The following THSD7B variants were observed in gnomAD, a reference collection of about 807,000 sequenced individuals.
THSD7B encodes thrombospondin type 1 domain containing 7B.
Under a neutral mutation model 213.6 loss-of-function variants are expected in THSD7B, and 138 were observed. The ratio of observed to expected loss-of-function variants is 0.65; its 90% CI spans 0.56 to 0.74. The LOEUF is 0.74. Among genes scored for constraint, THSD7B ranks in the 30% least tolerant of loss-of-function variants. THSD7B has a pLI of 0.00. For synonymous variants in THSD7B, 742 were observed against 687.0 expected, an observed-to-expected ratio of 1.08 and a Z score of -1.25; for missense variants, 1,931 against 1,991.5, an observed-to-expected ratio of 0.97 and a Z score of 0.58.
chr2:137,642,710 A>G, intron 21 of THSD7B, 77 bp downstream of exon 21: 1 of 1,503,990 alleles, frequency 6.6e-7, no homozygotes, highest in Non-Finnish European at 9.0e-7. Context: ...CTATGCGCTG[A>G]TGGAATAAAT....
intron 12 of THSD7B, among the ~76,000 whole-genome samples, chr2:137,315,931 T>G (rs1684088042): frequency 6.6e-6 from 1 of 152,248 alleles, no homozygotes. Flanking sequence ...CCTAGTATGC[T>G]ATTTTTTTCA....
chr2:137,519,714 A>G (rs975584155), intron 15 of THSD7B, among the ~76,000 whole-genome samples: 1 of 152,242 alleles, frequency 6.6e-6, no homozygotes. Flanking sequence ...GGAAATGTCT[A>G]ACATATTAAG....
intron 2 of THSD7B, among the ~76,000 whole-genome samples, chr2:137,054,395 A>G (rs1687122340): frequency 6.6e-6 from 1 of 152,232 alleles, no homozygotes; most frequent in Non-Finnish European, 1.5e-5. Flanking sequence ...CCAGGTGTAT[A>G]TGGCTAGAAC....
intron 3 of THSD7B, among the ~76,000 whole-genome samples, chr2:137,073,086 C>G (rs866305994): frequency 6.7e-6 from 1 of 149,934 alleles, no homozygotes; most frequent in Admixed American, 6.7e-5. Flanking sequence ...GTGTCTCTGC[C>G]ATGCTTTGGT....
At chr2:136,851,374 T>A (rs569912564) in intron 1 of THSD7B, among the ~76,000 whole-genome samples, 1 of 152,162 alleles carries the variant, frequency 6.6e-6, no homozygotes, top group Non-Finnish European at 1.5e-5. Flanking sequence ...AGCAGCACCT[T>A]GCCATTATTT....
At chr2:137,392,758 G>T (rs1048099132) in intron 12 of THSD7B, among the ~76,000 whole-genome samples, 2 of 151,952 alleles carry the variant, frequency 1.3e-5, no homozygotes, top group Admixed American at 6.6e-5. Flanking sequence ...CTTTTAAAAG[G>T]AATGTAAATT....
intron 12 of THSD7B, among the ~76,000 whole-genome samples, chr2:137,309,694 C>T (rs1198211005): frequency 2.6e-5 from 4 of 151,904 alleles, no homozygotes; most frequent in African/African-American, 4.8e-5. Flanking sequence ...TGTGATGTTC[C>T]CCTTCCTGTG....
chr2:137,415,671 T>G (rs867486177), intron 14 of THSD7B, among the ~76,000 whole-genome samples: 52 of 128,980 alleles, frequency 4.0e-4, no homozygotes, highest in Non-Finnish European at 4.7e-4. Context: ...AGTGTTTTTT[T>G]TTTTTTTTTT....
intron 7 of THSD7B, among the ~76,000 whole-genome samples, chr2:137,187,995 T>G (rs1255372907): frequency 6.6e-6 from 1 of 152,184 alleles, no homozygotes; most frequent in African/African-American, 2.4e-5. Context: ...TGTTTAGAAC[T>G]ACCAGCTCTA....
chr2:137,103,356 C>A (rs1475846280), intron 4 of THSD7B, among the ~76,000 whole-genome samples: 1 of 152,102 alleles, frequency 6.6e-6, no homozygotes, highest in Non-Finnish European at 1.5e-5. Context: ...CACAAACAGG[C>A]CTGCCTCACA....
chr2:136,967,414 TATTA>T (rs1435563221), intron 2 of THSD7B, among the ~76,000 whole-genome samples: 15 of 152,224 alleles, frequency 9.9e-5, no homozygotes, highest in Admixed American at 2.0e-4. Context: ...TGCCAAATTC[TATTA>T]ATTCTGTCTC....
chr2:137,309,682 A>G (rs1452307205), intron 12 of THSD7B, among the ~76,000 whole-genome samples: 5 of 151,628 alleles, frequency 3.3e-5, no homozygotes, highest in Admixed American at 2.6e-4. Context: ...CAGTCCCCAG[A>G]GTGTGATGTT....
intron 15 of THSD7B, among the ~76,000 whole-genome samples, chr2:137,546,767 G>A (rs1250476302): frequency 6.6e-6 from 1 of 151,322 alleles, no homozygotes; most frequent in Admixed American, 6.6e-5. Flanking sequence ...AAATGGGTTA[G>A]TTGACCATTC....
In THSD7B at chr2:137,415,664, GTTTTT is replaced by G. The variant is rs10563702; in HGVS notation, c.2959+3813_2959+3817del. On this transcript the variant is annotated intron_variant, in intron 14 of 27. Coordinates refer to ENST00000409968, the MANE Select transcript of THSD7B (RefSeq NM_001316349.2). ...TTCCAACCATGTTTCTTATATCAGT[GTTTTT>G]TTTTTTTTTTTTTTTTTTTTCAAAG... is the stretch of plus-strand genomic sequence containing the variant. Among the ~76,000 whole-genome samples the G allele has an allele frequency of 1.4e-3, 115 of 80,106 alleles. 1 individual carries two copies. The highest frequency in any genetic ancestry group is 4.8e-3 in the African/African-American group (110 of 23,024). The allele number at this position is 80,106 out of a possible 152,430, so 52.6% of individuals were successfully genotyped here. A position where few individuals can be genotyped will look rare whatever the true frequency, so the allele number is the denominator to read the frequency against.
intron 15 of THSD7B, among the ~76,000 whole-genome samples, chr2:137,489,697 T>G (rs114307280): frequency 0.011 from 1,736 of 152,310 alleles, 37 homozygotes; most frequent in African/African-American, 0.039. Flanking sequence ...GAGAAAATCC[T>G]GGATCAGGAC....
intron 15 of THSD7B, among the ~76,000 whole-genome samples, chr2:137,510,512 A>C (rs893300097): frequency 6.6e-6 from 1 of 151,900 alleles, no homozygotes; most frequent in Non-Finnish European, 1.5e-5. Context: ...GGAAATACAT[A>C]TGTGTGTGTA....
chr2:137,411,268 A>G (rs1686645429), intron 13 of THSD7B, among the ~76,000 whole-genome samples: 1 of 152,216 alleles, frequency 6.6e-6, no homozygotes. Context: ...GTCAAGGAGA[A>G]TGGGGACAGG....
chr2:137,604,945 G>T (rs2104826922), intron 17 of THSD7B, among the ~76,000 whole-genome samples: 1 of 151,888 alleles, frequency 6.6e-6, no homozygotes, highest in African/African-American at 2.4e-5. Context: ...TTACTTTTTT[G>T]GTATGGTTGT....
chr2:137,431,529 A>G lies in THSD7B; in HGVS notation c.2960-19316A>G, dbSNP rs183533497. Among the ~76,000 whole-genome samples, 4 of 152,362 alleles carry G rather than the reference A, an allele frequency of 2.6e-5. No individual in the cohort carries two copies. In the East Asian group the frequency reaches 7.7e-4, roughly 29 times the overall value. On this transcript the variant is annotated intron_variant, in intron 14 of 27. Coordinates refer to ENST00000409968, the MANE Select transcript of THSD7B (RefSeq NM_001316349.2). ...CCACAAAAGATGGCTTTGCAGGGCC[A>G]TTTCAAGATATGGCAGAGAAACATG... is the stretch of plus-strand genomic sequence containing the variant.
Sources: gnomAD v4.1 joint callset for allele counts (sites outside exome capture counted in the v4.1 genomes callset) on GRCh38, gnomAD v4.1.1 for gene constraint, MANE v1.5 for transcripts, NCBI Gene and HGNC (gene_info 2026-07-23, HGNC 2026-07-21) for gene names.